Variants in PKHD1 observed in about 807,000 individuals in gnomAD.
The protein encoded by PKHD1 is PKHD1 ciliary IPT domain containing fibrocystin/polyductin, also known as fibrocystin.
In PKHD1, 291 loss-of-function variants were observed where a neutral mutation model predicts 412.0. The ratio of observed to expected loss-of-function variants is 0.71; its 90% CI spans 0.64 to 0.78. PKHD1 has a LOEUF of 0.78. Among genes scored for constraint, PKHD1 ranks in the 30% least tolerant of loss-of-function variants. The probability of loss-of-function intolerance (pLI) is 0.00; values close to 1 mark genes in which losing one functional copy is unlikely to be tolerated. For missense variants in PKHD1, 4,825 were observed against 4,950.7 expected, an observed-to-expected ratio of 0.97 and a Z score of 0.76; for synonymous variants, 1,777 against 1,821.5, an observed-to-expected ratio of 0.98 and a Z score of 0.62.
intron 35 of PKHD1, among the ~76,000 whole-genome samples, chr6:52,003,273 T>C (rs1798657818): frequency 6.6e-6 from 1 of 152,172 alleles, no homozygotes; most frequent in South Asian, 2.1e-4. Context: ...TATTTTGTAG[T>C]CACTAGAAAA....
intron 5 of PKHD1, among the ~76,000 whole-genome samples, chr6:52,078,554 C>T (rs1018796049): frequency 6.6e-6 from 1 of 152,146 alleles, no homozygotes; most frequent in East Asian, 1.9e-4. Context: ...AGAGACACGC[C>T]GTGTTTTATT....
Position 51,766,558 on chromosome 6 carries a change from AT to A in PKHD1, c.8642+6143del, listed in dbSNP as rs913156643. 2.3e-4 allele frequency among the ~76,000 whole-genome samples: 35 copies of A among 151,608 alleles called. 1 individual carries two copies. The highest frequency in any genetic ancestry group is 6.8e-3 in the Middle Eastern group (2 of 292). ...TTCTATATGTTTATTAGCAAGATGT[AT>A]TTTTTTTGTGGCTTACATATTCAAA... On this transcript the variant is annotated intron_variant, in intron 55 of 66. Coordinates refer to ENST00000371117, the MANE Select transcript of PKHD1 (RefSeq NM_138694.4).
chr6:51,872,205 A>C (rs556111225), intron 46 of PKHD1, among the ~76,000 whole-genome samples: 90 of 150,630 alleles, frequency 6.0e-4, no homozygotes, highest in African/African-American at 2.2e-3. Context: ...GAAATAATTG[A>C]AGAATACTGT....
At chr6:51,884,196 T>C (rs978565868) in intron 45 of PKHD1, among the ~76,000 whole-genome samples, 1 of 152,208 alleles carries the variant, frequency 6.6e-6, no homozygotes, top group Admixed American at 6.5e-5. Context: ...TTTTTGTAAG[T>C]AGCATAAATT....
chr6:51,920,632 T>C (rs968969719), intron 37 of PKHD1, among the ~76,000 whole-genome samples: 2 of 151,882 alleles, frequency 1.3e-5, no homozygotes, highest in Non-Finnish European at 2.9e-5. Flanking sequence ...AGAATGATGC[T>C]GGATAAAATG....
chr6:51,934,389 G>A (rs1787147957), intron 36 of PKHD1, 67 bp from the exon 37 acceptor site: 4 of 955,184 alleles, frequency 4.2e-6, no homozygotes, highest in Admixed American at 3.4e-5. Context: ...CAGTTTCAAT[G>A]CCTGATGAAA....
chr6:52,084,413 G>A (rs777223107), intron 2 of PKHD1, among the ~76,000 whole-genome samples: 4 of 152,138 alleles, frequency 2.6e-5, no homozygotes, highest in East Asian at 1.9e-4. Context: ...AACCAAATTC[G>A]CAGAGAAAAT....
chr6:52,010,193 C>G, intron 35 of PKHD1, 116 bp downstream of exon 35: 1 of 849,430 alleles, frequency 1.2e-6, no homozygotes, highest in Non-Finnish European at 1.9e-6. Context: ...AAAGTTTGAG[C>G]ACATTTAATA....
intron 55 of PKHD1, among the ~76,000 whole-genome samples, chr6:51,757,148 G>A (rs1322456454): frequency 1.3e-5 from 2 of 152,084 alleles, no homozygotes; most frequent in Non-Finnish European, 2.9e-5. Flanking sequence ...TGTGGCCCTG[G>A]GGGTTGGGGA....
In PKHD1 at chr6:52,026,830, C is replaced by T. The variant is rs1425218251; in HGVS notation, c.3629-649G>A. ...GTAGAGAGGCCACCAAAGATCAAAC[C>T]CCATCTTCAGGACAGGATTGGAGCA... On this transcript the variant is annotated intron_variant, in intron 31 of 66. Transcript: ENST00000371117. 2.6e-5 allele frequency among the ~76,000 whole-genome samples: 4 copies of T among 152,144 alleles called. No individual in the cohort carries two copies. The East Asian group carries it at 7.7e-4, about 29-fold the overall frequency.
At chr6:51,639,412 G>A (rs1425809338) in intron 63 of PKHD1, among the ~76,000 whole-genome samples, 1 of 151,594 alleles carries the variant, frequency 6.6e-6, no homozygotes, top group Non-Finnish European at 1.5e-5. Flanking sequence ...CTTTCTAGGT[G>A]GTCAGTTTCT....
intron 60 of PKHD1, among the ~76,000 whole-genome samples, chr6:51,710,191 C>T (rs1286944080): frequency 6.6e-6 from 1 of 152,046 alleles, no homozygotes; most frequent in Non-Finnish European, 1.5e-5. Context: ...GCCTGAGCGA[C>T]AGAGCAAGAC....
At chr6:51,795,092 A>C (rs1302843731) in intron 52 of PKHD1, among the ~76,000 whole-genome samples, 1 of 152,214 alleles carries the variant, frequency 6.6e-6, no homozygotes, top group East Asian at 1.9e-4. Flanking sequence ...GGGGAATAGC[A>C]ATGAATCTAT....
chr6:51,758,052 G>GAA (rs994792728), intron 55 of PKHD1, among the ~76,000 whole-genome samples: 8 of 138,390 alleles, frequency 5.8e-5, no homozygotes, highest in African/African-American at 1.1e-4. Context: ...GAGAGAGAGA[G>GAA]AAAACAAAGC....
chr6:52,061,051 C>T (rs75195059), intron 14 of PKHD1, among the ~76,000 whole-genome samples: 4 of 152,298 alleles, frequency 2.6e-5, no homozygotes, highest in Non-Finnish European at 4.4e-5. Context: ...TAGGCTGACT[C>T]ACTCCTTAAC....
At chr6:51,749,470 A>T (rs1337214618) in intron 57 of PKHD1, among the ~76,000 whole-genome samples, 2 of 152,210 alleles carry the variant, frequency 1.3e-5, no homozygotes, top group African/African-American at 2.4e-5. Flanking sequence ...TTCAGCATAC[A>T]TACTTTTGGT....
chr6:51,982,499 T>C (rs1795567555), intron 35 of PKHD1, among the ~76,000 whole-genome samples: 1 of 138,170 alleles, frequency 7.2e-6, no homozygotes, highest in South Asian at 2.5e-4. Context: ...CCTGTTGATC[T>C]GTGACCTTAT....
intron 35 of PKHD1, among the ~76,000 whole-genome samples, chr6:52,004,076 G>C (rs1454324417): frequency 6.6e-6 from 1 of 152,028 alleles, no homozygotes; most frequent in Non-Finnish European, 1.5e-5. Context: ...TATTTATTTA[G>C]ATTTATTTTA....
chr6:52,052,647 A>C (rs1206607188), intron 21 of PKHD1, among the ~76,000 whole-genome samples: 1 of 152,230 alleles, frequency 6.6e-6, no homozygotes, highest in Non-Finnish European at 1.5e-5. Context: ...CTGCTAGTCT[A>C]ATGATAACAA....
Sources: allele counts gnomAD v4.1 joint callset (sites outside exome capture counted in the v4.1 genomes callset), GRCh38; gene constraint gnomAD v4.1.1; transcripts MANE v1.5; gene names NCBI Gene and HGNC (gene_info 2026-07-23, HGNC 2026-07-21).